TMPRSS15: variants seen among roughly 807,000 people sequenced by gnomAD.
TMPRSS15 encodes the protein transmembrane serine protease 15.
In TMPRSS15, 128 loss-of-function variants were observed where a neutral mutation model predicts 125.3. That is an observed-to-expected ratio of 1.02 (90% CI 0.89 to 1.18). The LOEUF (loss-of-function observed/expected upper bound fraction) is 1.18. TMPRSS15 is among the 50% of genes most tolerant of loss of function. The probability of loss-of-function intolerance (pLI) is 0.00; values close to 1 mark genes in which losing one functional copy is unlikely to be tolerated. For synonymous variants in TMPRSS15, 446 were observed against 423.2 expected (o/e 1.05, Z -0.66); for missense variants, 1,283 against 1,212.7 (o/e 1.06, Z -0.86).
intron 6 of TMPRSS15, among the ~76,000 whole-genome samples, chr21:18,365,649 CCCTTCCTTCCTTCCTT>C (rs57962003): frequency 1.1e-3 from 71 of 65,862 alleles, no homozygotes; most frequent in African/African-American, 4.6e-3. Context: ...TCTTTTTCCT[CCCTTCCTTCCTTCCTT>C]CCTTCCTTCC....
intron 8 of TMPRSS15, among the ~76,000 whole-genome samples, chr21:18,354,302 G>T (rs2075602614): frequency 6.6e-6 from 1 of 151,732 alleles, no homozygotes; most frequent in Non-Finnish European, 1.5e-5. Context: ...AGTATTCTTT[G>T]GCTCTTTACG....
chr21:18,423,683 T>C (rs1424804537), intron 1 of TMPRSS15, among the ~76,000 whole-genome samples: 1 of 151,636 alleles, frequency 6.6e-6, no homozygotes, highest in African/African-American at 2.4e-5. Context: ...CCCAAAGTGC[T>C]GGGATGACAG....
chr21:18,323,924 T>C (rs2075265186), intron 16 of TMPRSS15, among the ~76,000 whole-genome samples: 2 of 152,208 alleles, frequency 1.3e-5, no homozygotes, highest in African/African-American at 2.4e-5. Flanking sequence ...GAAATATTAC[T>C]TCATTGTTTT....
At chr21:18,367,203 G>A (rs2075746849) in intron 6 of TMPRSS15, among the ~76,000 whole-genome samples, 1 of 152,050 alleles carries the variant, frequency 6.6e-6, no homozygotes, top group South Asian at 2.1e-4. Flanking sequence ...AAGTCAAGAA[G>A]CAAGGATTAA....
chr21:18,427,982 G>A (rs1179131365), intron 1 of TMPRSS15, among the ~76,000 whole-genome samples: 1 of 152,180 alleles, frequency 6.6e-6, no homozygotes, highest in Non-Finnish European at 1.5e-5. Context: ...GAAAGTGAAA[G>A]AACCATTATT....
rs1385736791 is a variant in TMPRSS15 at position 18,336,654 on chromosome 21, G to C, written c.1565-4481C>G. Among the ~76,000 whole-genome samples, 7 of 152,258 alleles carry C rather than the reference G, an allele frequency of 4.6e-5. No homozygotes were observed. In the South Asian group the frequency reaches 6.2e-4, roughly 14 times the overall value. ...GAGAGCTCAAAAACGTAGGCTATTA[G>C]TTTGCTTTGTTTTGTCTTGTTTTGA... On this transcript the variant is annotated intron_variant, in intron 13 of 24. Coordinates refer to ENST00000284885, the MANE Select transcript of TMPRSS15 (RefSeq NM_002772.3).
In TMPRSS15 at chr21:18,383,661, A is replaced by T; in HGVS notation, c.462T>A (p.Thr154=). The change falls in exon 4 of 25, where the codon ACT becomes ACA. Residue 154 remains threonine, a synonymous_variant. Transcript: ENST00000284885. ...LEANKSSQLV[T]FHIDLNSVDI... ...CAACGCTGTTCAAATCAATATGGAAAGTGACCAGTTGGCTGGATTTATTTG... is the reference window on the plus strand; with the variant it reads ...CAACGCTGTTCAAATCAATATGGAATGTGACCAGTTGGCTGGATTTATTTG... The T allele has an allele frequency of 6.2e-7, 1 of 1,614,020 alleles. No homozygotes were observed. Among genetic ancestry groups the T allele is most frequent in the Non-Finnish European group, 8.5e-7 (1 of 1,179,956 alleles).
At chr21:18,320,988 G>A (rs2075227662) in intron 16 of TMPRSS15, among the ~76,000 whole-genome samples, 1 of 152,114 alleles carries the variant, frequency 6.6e-6, no homozygotes, top group Non-Finnish European at 1.5e-5. Context: ...CATACGCTTG[G>A]TTTAAAATGG....
At chr21:18,484,732 G>A (rs559253854) in intron 1 of TMPRSS15, among the ~76,000 whole-genome samples, 2 of 151,618 alleles carry the variant, frequency 1.3e-5, no homozygotes, top group African/African-American at 4.8e-5. Context: ...TTATATATGG[G>A]TGAATCTGTT....
intron 21 of TMPRSS15, among the ~76,000 whole-genome samples, chr21:18,289,538 T>C (rs919991876): frequency 1.3e-5 from 2 of 152,150 alleles, no homozygotes; most frequent in African/African-American, 4.8e-5. Context: ...GAAGTATAAA[T>C]AGTAGTCTGT....
intron 4 of TMPRSS15, among the ~76,000 whole-genome samples, chr21:18,381,519 A>G (rs766246568): frequency 6.6e-6 from 1 of 152,154 alleles, no homozygotes; most frequent in African/African-American, 2.4e-5. Flanking sequence ...CGTGTTTATA[A>G]ATGTGTTTTA....
intron 1 of TMPRSS15, among the ~76,000 whole-genome samples, chr21:18,465,254 C>T (rs1054654406): frequency 7.2e-5 from 11 of 152,104 alleles, no homozygotes; most frequent in African/African-American, 2.2e-4. Context: ...ACTGATGGAA[C>T]GTATCTCAAA....
intron 1 of TMPRSS15, among the ~76,000 whole-genome samples, chr21:18,454,584 C>T (rs553713756): frequency 1.3e-5 from 2 of 152,190 alleles, no homozygotes; most frequent in Admixed American, 1.3e-4. Context: ...CGGTGTAACT[C>T]TTAGTCCCAG....
intron 4 of TMPRSS15, among the ~76,000 whole-genome samples, chr21:18,379,527 G>T (rs2075873336): frequency 6.6e-6 from 1 of 151,966 alleles, no homozygotes; most frequent in Non-Finnish European, 1.5e-5. Context: ...GTAGCACAGA[G>T]GTTTTTAGAT....
upstream of TMPRSS15, among the ~76,000 whole-genome samples, chr21:18,405,724 C>T (rs1369870277): frequency 6.6e-6 from 1 of 152,084 alleles, no homozygotes; most frequent in African/African-American, 2.4e-5. Flanking sequence ...ATCTTCATCT[C>T]ACACCGTGAA....
chr21:18,373,988 G>T (rs1477898209), intron 5 of TMPRSS15, among the ~76,000 whole-genome samples: 1 of 152,164 alleles, frequency 6.6e-6, no homozygotes, highest in African/African-American at 2.4e-5. Context: ...AATTGTTTAT[G>T]TACAAATTAT....
chr21:18,389,479 T>C (rs2824796), intron 3 of TMPRSS15, among the ~76,000 whole-genome samples: 111,948 of 151,946 alleles, frequency 0.74, 41,368 homozygotes, highest in East Asian at 0.91. Flanking sequence ...TCCTTGGTAG[T>C]TATAAAGAGG....
intron 12 of TMPRSS15, among the ~76,000 whole-genome samples, chr21:18,343,236 T>C (rs2075467022): frequency 1.3e-5 from 2 of 152,200 alleles, no homozygotes; most frequent in South Asian, 4.1e-4. Context: ...TGAAGGAAGC[T>C]GAAATATTCT....
chr21:18,369,215 A>T (rs929892486), intron 6 of TMPRSS15, among the ~76,000 whole-genome samples: 1 of 152,184 alleles, frequency 6.6e-6, no homozygotes. Flanking sequence ...GGACCCACGA[A>T]GAACTCCCTC....
Sources: allele counts gnomAD v4.1 joint callset (sites outside exome capture counted in the v4.1 genomes callset), GRCh38; gene constraint gnomAD v4.1.1; transcripts MANE v1.5; gene names NCBI Gene and HGNC (gene_info 2026-07-23, HGNC 2026-07-21).